Variants in CTNNA3 observed in about 807,000 individuals in gnomAD.
CTNNA3 encodes catenin alpha-3.
CTNNA3 carries 76 observed loss-of-function variants against 95.7 expected under a neutral mutation model. The ratio of observed to expected loss-of-function variants is 0.79; its 90% CI spans 0.66 to 0.96. The LOEUF (loss-of-function observed/expected upper bound fraction) is 0.96. Among genes scored for constraint, CTNNA3 ranks in the 40% least tolerant of loss-of-function variants. The pLI is 0.00. For synonymous variants in CTNNA3, 431 were observed against 374.4 expected, an observed-to-expected ratio of 1.15 and a Z score of -1.74; for missense variants, 1,191 against 1,089.8, an observed-to-expected ratio of 1.09 and a Z score of -1.31.
Position 66,394,470 on chromosome 10 carries a change from GC to G in CTNNA3, c.1532-15119del, listed in dbSNP as rs540473585. Among the ~76,000 whole-genome samples the G allele has an allele frequency of 9.0e-4, 135 of 150,248 alleles. 1 individual carries two copies. The highest frequency in any genetic ancestry group is 3.0e-3 in the African/African-American group (122 of 40,928). On this transcript the variant is annotated intron_variant, in intron 11 of 17. Coordinates refer to ENST00000433211, the MANE Select transcript of CTNNA3 (RefSeq NM_013266.4). ...TTTCCATCAACTCCTCTACTACTGAGCTTTTTCATGTTAATTGTCCCATTGC... is the reference window on the plus strand; with the variant it reads ...TTTCCATCAACTCCTCTACTACTGAGTTTTTCATGTTAATTGTCCCATTGC...
At chr10:66,785,487 GTGA>G (rs1356101366) in intron 7 of CTNNA3, among the ~76,000 whole-genome samples, 9 of 152,310 alleles carry the variant, frequency 5.9e-5, no homozygotes, top group African/African-American at 2.2e-4. Context: ...TTCTCCAGCT[GTGA>G]CATGCATCTT....
intron 13 of CTNNA3, among the ~76,000 whole-genome samples, chr10:66,199,805 A>ATATATATATTTTTTTT (rs1564756586): frequency 7.0e-5 from 1 of 14,292 alleles, no homozygotes; most frequent in Non-Finnish European, 1.1e-4. Context: ...ATATATATAT[A>ATATATATATTTTTTTT]TTTTTTTTTT....
intron 1 of CTNNA3, among the ~76,000 whole-genome samples, chr10:67,694,994 G>A (rs1176932704): frequency 6.6e-6 from 1 of 152,122 alleles, no homozygotes; most frequent in Non-Finnish European, 1.5e-5. Context: ...TGGTTCTACT[G>A]AGATAATTTT....
At chr10:67,274,374 C>T (rs928508928) in intron 5 of CTNNA3, among the ~76,000 whole-genome samples, 1 of 152,160 alleles carries the variant, frequency 6.6e-6, no homozygotes, top group Non-Finnish European at 1.5e-5. Flanking sequence ...TGGATAAAGA[C>T]AATAGGAATA....
chr10:66,591,974 G>T (rs1277562580), intron 10 of CTNNA3, among the ~76,000 whole-genome samples: 1 of 151,856 alleles, frequency 6.6e-6, no homozygotes, highest in African/African-American at 2.4e-5. Flanking sequence ...CCTCTCCCAT[G>T]AATTGCAGTC....
intron 15 of CTNNA3, among the ~76,000 whole-genome samples, chr10:66,063,941 G>A (rs1291019633): frequency 6.6e-6 from 1 of 152,110 alleles, no homozygotes; most frequent in Non-Finnish European, 1.5e-5. Flanking sequence ...CTTCTCCTAT[G>A]TAGTGTGGTC....
At chr10:66,442,932 C>T (rs544074016) in intron 11 of CTNNA3, among the ~76,000 whole-genome samples, 7 of 152,286 alleles carry the variant, frequency 4.6e-5, no homozygotes, top group South Asian at 2.1e-4. Flanking sequence ...ACAGACGTCA[C>T]GTGGAAAATC....
chr10:66,100,249 A>G (rs1289800319), intron 14 of CTNNA3, among the ~76,000 whole-genome samples: 1 of 152,136 alleles, frequency 6.6e-6, no homozygotes, highest in Non-Finnish European at 1.5e-5. Flanking sequence ...CAAATTGTCC[A>G]TCTTAGAAAC....
rs75066044 is a variant in CTNNA3, at chr10:66,986,873, A to G, written c.1047+193444T>C. ...AACACCTACTATGGGATTACACTAG[A>G]CACTGTGAATACAGAAGTGCACCAA... On this transcript the variant is annotated intron_variant, in intron 7 of 17. Transcript: ENST00000433211. 9.8e-3 allele frequency among the ~76,000 whole-genome samples: 1,489 copies of G among 152,244 alleles called. 37 individuals are homozygous for G. Among genetic ancestry groups the G allele is most frequent in the African/African-American group, 0.034 (1,415 of 41,540 alleles).
intron 7 of CTNNA3, among the ~76,000 whole-genome samples, chr10:66,854,717 T>C (rs982647769): frequency 6.6e-6 from 1 of 150,726 alleles, no homozygotes; most frequent in Non-Finnish European, 1.5e-5. Context: ...ATGTGGTAGA[T>C]GTGTGTGGGT....
chr10:66,518,071 C>A (rs10509267), intron 11 of CTNNA3, among the ~76,000 whole-genome samples: 70,106 of 151,840 alleles, frequency 0.46, 17,025 homozygotes, highest in Middle Eastern at 0.63. Context: ...CCAAGTATAT[C>A]AAACATCTAG....
chr10:67,432,156 G>A (rs1846129874), intron 5 of CTNNA3, among the ~76,000 whole-genome samples: 1 of 151,758 alleles, frequency 6.6e-6, no homozygotes, highest in Non-Finnish European at 1.5e-5. Context: ...AAATGGTCTG[G>A]AACCAATTAA....
intron 16 of CTNNA3, among the ~76,000 whole-genome samples, chr10:65,980,059 T>A (rs903804403): frequency 6.6e-6 from 1 of 151,516 alleles, no homozygotes; most frequent in Non-Finnish European, 1.5e-5. Flanking sequence ...AAAAAATAAA[T>A]AAAATCGATA....
At chr10:67,726,437 A>ATAATATTATATATTATATG (rs1841221354) in intron 1 of CTNNA3, among the ~76,000 whole-genome samples, 2 of 72,574 alleles carry the variant, frequency 2.8e-5, no homozygotes, top group Non-Finnish European at 4.6e-5. Context: ...TATATCATAT[A>ATAATATTATATATTATATG]TAATATATAA....
intron 4 of CTNNA3, among the ~76,000 whole-genome samples, chr10:67,533,122 G>C (rs1449480858): frequency 6.6e-6 from 1 of 152,136 alleles, no homozygotes; most frequent in Non-Finnish European, 1.5e-5. Context: ...TCAGGAGTTT[G>C]AGACCAGCCT....
At chr10:66,780,162 A>G (rs1259222861) in intron 7 of CTNNA3, among the ~76,000 whole-genome samples, 1 of 152,156 alleles carries the variant, frequency 6.6e-6, no homozygotes, top group Non-Finnish European at 1.5e-5. Context: ...GGTCTTTGCT[A>G]TGCCAAGAAA....
intron 10 of CTNNA3, among the ~76,000 whole-genome samples, chr10:66,542,716 C>T (rs1841899011): frequency 7.4e-6 from 1 of 134,540 alleles, no homozygotes; most frequent in Non-Finnish European, 1.5e-5. Flanking sequence ...GGAAGGGGAA[C>T]ATCACACATC....
At chr10:67,491,090 T>G (rs1027357097) in intron 5 of CTNNA3, among the ~76,000 whole-genome samples, 4 of 151,678 alleles carry the variant, frequency 2.6e-5, no homozygotes, top group African/African-American at 7.3e-5. Context: ...TTTTAAAAAC[T>G]CAGTTGAAAA....
At chr10:65,976,326 C>A (rs146782625) in intron 16 of CTNNA3, among the ~76,000 whole-genome samples, 109 of 152,200 alleles carry the variant, frequency 7.2e-4, no homozygotes, top group African/African-American at 2.6e-3. Flanking sequence ...CTGATAAAAT[C>A]AAACTGTCAA....
Sources: allele counts gnomAD v4.1 joint callset (sites outside exome capture counted in the v4.1 genomes callset), GRCh38; gene constraint gnomAD v4.1.1; transcripts MANE v1.5; gene names NCBI Gene and HGNC (gene_info 2026-07-23, HGNC 2026-07-21).